Variants in PARD6G observed in about 807,000 individuals in gnomAD.
PARD6G encodes the protein par-6 family cell polarity regulator gamma.
PARD6G carries 7 observed loss-of-function variants against 10.7 expected under a neutral mutation model. The observed-to-expected ratio is 0.66, with a 90% CI of 0.37 to 1.23. PARD6G has a LOEUF of 1.23. Among genes scored for constraint, PARD6G ranks in the 50% most tolerant of loss-of-function variants. The probability of loss-of-function intolerance (pLI) is 0.02; values close to 1 mark genes in which losing one functional copy is unlikely to be tolerated. For synonymous variants in PARD6G, 287 were observed against 269.4 expected (o/e 1.07, Z -0.64); for missense variants, 548 against 571.8 (o/e 0.96, Z 0.42).
intron 1 of PARD6G, among the ~76,000 whole-genome samples, chr18:80,226,614 G>A (rs1048114997): frequency 6.6e-6 from 1 of 152,124 alleles, no homozygotes; most frequent in East Asian, 1.9e-4. Flanking sequence ...TTTGAAAACA[G>A]TCTTTTGCTG....
At chr18:80,195,544 G>GATATATATATATATATATATATATATAT (rs1235414160) in intron 2 of PARD6G, among the ~76,000 whole-genome samples, 1 of 23,704 alleles carries the variant, frequency 4.2e-5, no homozygotes, top group African/African-American at 1.8e-4. Flanking sequence ...AGTCTTCAAA[G>GATATATATATATATATATATATATATAT]ATACATATAT....
chr18:80,240,914 G>A (rs28655400), intron 1 of PARD6G, among the ~76,000 whole-genome samples: 3 of 152,110 alleles, frequency 2.0e-5, no homozygotes, highest in Non-Finnish European at 4.4e-5. Flanking sequence ...GATGTTGTAC[G>A]TTTTACCCCA....
chr18:80,206,893 A>T (rs1339560640), intron 1 of PARD6G, among the ~76,000 whole-genome samples: 1 of 152,174 alleles, frequency 6.6e-6, no homozygotes, highest in African/African-American at 2.4e-5. Flanking sequence ...ATAAATACTT[A>T]ACGTAAATGA....
intron 2 of PARD6G, among the ~76,000 whole-genome samples, chr18:80,177,525 C>A (rs140863487): frequency 1.0e-3 from 150 of 147,272 alleles, no homozygotes; most frequent in African/African-American, 3.7e-3. Flanking sequence ...CATACGTGCA[C>A]ACACATGCAC....
intron 2 of PARD6G, among the ~76,000 whole-genome samples, chr18:80,191,049 G>A (rs146272977): frequency 6.6e-6 from 1 of 152,338 alleles, no homozygotes; most frequent in East Asian, 1.9e-4. Flanking sequence ...GGGCCAGCGT[G>A]TGAGAATTCA....
At chr18:80,215,692 A>AG (rs1967157655) in intron 1 of PARD6G, among the ~76,000 whole-genome samples, 1 of 152,208 alleles carries the variant, frequency 6.6e-6, no homozygotes, top group African/African-American at 2.4e-5. Context: ...TTAACAGAAA[A>AG]GAAAGCAATA....
At chr18:80,234,007 C>G (rs1319904660) in intron 1 of PARD6G, among the ~76,000 whole-genome samples, 3 of 152,170 alleles carry the variant, frequency 2.0e-5, no homozygotes, top group East Asian at 1.9e-4. Context: ...AGCTGCCAAC[C>G]AGGCAACCCA....
intron 2 of PARD6G, among the ~76,000 whole-genome samples, chr18:80,165,378 G>A (rs1568425729): frequency 6.6e-6 from 1 of 152,156 alleles, no homozygotes; most frequent in Non-Finnish European, 1.5e-5. Flanking sequence ...TGACCCTGCA[G>A]ACAGACCTTA....
intron 2 of PARD6G, among the ~76,000 whole-genome samples, chr18:80,198,172 A>C (rs9945977): frequency 0.66 from 100,353 of 152,134 alleles, 33,238 homozygotes; most frequent in Admixed American, 0.68. Flanking sequence ...AGAATGAAAA[A>C]CAAGTCATTC....
rs959207158 is a variant in PARD6G at position 80,188,513 on chromosome 18, C to T, written c.295+14197G>A. Among the ~76,000 whole-genome samples the T allele has an allele frequency of 1.3e-5, 2 of 152,236 alleles. No individual in the cohort carries two copies. The highest frequency in any genetic ancestry group is 2.9e-5 in the Non-Finnish European group (2 of 68,048). ...CAAGTTCTGACAGCCCAAAACCCGGCAGGACCCTCCTAGTACAGGCGCCTC... is the reference window on the plus strand; with the variant it reads ...CAAGTTCTGACAGCCCAAAACCCGGTAGGACCCTCCTAGTACAGGCGCCTC... On this transcript the variant is annotated intron_variant, in intron 2 of 2. Transcript: ENST00000353265. The surrounding 1 kb of genome is among the most constrained non-coding windows in gnomAD (Gnocchi z 5.4).
intron 1 of PARD6G, among the ~76,000 whole-genome samples, chr18:80,226,151 GTTTT>G (rs10606939): frequency 0.12 from 9,362 of 76,602 alleles, 2,385 homozygotes; most frequent in African/African-American, 0.19. Context: ...AATGACTTCA[GTTTT>G]TTTTTTTTTT....
intron 1 of PARD6G, among the ~76,000 whole-genome samples, chr18:80,205,306 C>T (rs1967045180): frequency 6.6e-6 from 1 of 152,214 alleles, no homozygotes; most frequent in African/African-American, 2.4e-5. Flanking sequence ...GTAAAGCCTA[C>T]AACATCAGTT....
chr18:80,160,992 C>T (rs1463195953), intron 2 of PARD6G, among the ~76,000 whole-genome samples: 1 of 152,188 alleles, frequency 6.6e-6, no homozygotes, highest in Non-Finnish European at 1.5e-5. Flanking sequence ...CCCATATTTC[C>T]TTCTCTCAAC....
At chr18:80,209,671 G>T (rs1274361245) in intron 1 of PARD6G, among the ~76,000 whole-genome samples, 1 of 152,094 alleles carries the variant, frequency 6.6e-6, no homozygotes, top group East Asian at 1.9e-4. Flanking sequence ...AATTAGCCAG[G>T]CGTGGTGGCA....
At chr18:80,229,122 T>G (rs1211012118) in intron 1 of PARD6G, among the ~76,000 whole-genome samples, 1 of 152,042 alleles carries the variant, frequency 6.6e-6, no homozygotes, top group Admixed American at 6.6e-5. Flanking sequence ...GTATTTTTAG[T>G]AGAGATGGGG....
intron 2 of PARD6G, chr18:80,162,629 AAGT>A (rs1315305893): frequency 1.2e-5 from 2 of 169,270 alleles, no homozygotes; most frequent in African/African-American, 4.8e-5. Flanking sequence ...CCCTGCCCTG[AAGT>A]AGCCATGAAG....
At chr18:80,215,615 A>G (rs1293710561) in intron 1 of PARD6G, among the ~76,000 whole-genome samples, 2 of 152,152 alleles carry the variant, frequency 1.3e-5, no homozygotes, top group Admixed American at 1.3e-4. Flanking sequence ...ATGTTAATTG[A>G]AAAGCCATCA....
At chr18:80,229,613 A>C (rs1374933830) in intron 1 of PARD6G, among the ~76,000 whole-genome samples, 1 of 152,238 alleles carries the variant, frequency 6.6e-6, no homozygotes, top group Non-Finnish European at 1.5e-5. Flanking sequence ...GCTCATGTGC[A>C]CATTAAAGGT....
chr18:80,204,252 C>T (rs1225685773), intron 1 of PARD6G, among the ~76,000 whole-genome samples: 1 of 152,132 alleles, frequency 6.6e-6, no homozygotes, highest in Non-Finnish European at 1.5e-5. Context: ...GTCATTATAT[C>T]ATCTAGACAT....
Sources: gnomAD v4.1 joint callset for allele counts (sites outside exome capture counted in the v4.1 genomes callset) on GRCh38, gnomAD v4.1.1 for gene constraint, Gnocchi (gnomAD v3.1) non-coding constraint, MANE v1.5 for transcripts, NCBI Gene and HGNC (gene_info 2026-07-23, HGNC 2026-07-21) for gene names.